Variants in BFSP1 observed in about 807,000 individuals in gnomAD.
The protein encoded by BFSP1 is filensin.
BFSP1 carries 38 observed loss-of-function variants against 43.9 expected under a neutral mutation model. The ratio of observed to expected loss-of-function variants is 0.87; its 90% CI spans 0.67 to 1.14. BFSP1 has a LOEUF of 1.14. Ranked by LOEUF, BFSP1 falls within the 50% of genes most tolerant of loss-of-function variation. The probability of loss-of-function intolerance (pLI) is 0.00; values close to 1 mark genes in which losing one functional copy is unlikely to be tolerated. For missense variants in BFSP1, 850 were observed against 875.1 expected, an observed-to-expected ratio of 0.97 and a Z score of 0.36; for synonymous variants, 352 against 354.8, an observed-to-expected ratio of 0.99 and a Z score of 0.09.
intron 1 of BFSP1, among the ~76,000 whole-genome samples, chr20:17,545,130 T>C (rs1298426690): frequency 6.6e-6 from 1 of 152,196 alleles, no homozygotes; most frequent in Non-Finnish European, 1.5e-5. Context: ...ATGGAGCTTA[T>C]GCCCAGGCAA....
intron 1 of BFSP1, among the ~76,000 whole-genome samples, chr20:17,557,983 A>C (rs1440467306): frequency 6.6e-6 from 1 of 152,180 alleles, no homozygotes; most frequent in Non-Finnish European, 1.5e-5. Context: ...ACTTTGTTTC[A>C]TAAGAAATAA....
intron 4 of BFSP1, among the ~76,000 whole-genome samples, chr20:17,511,669 A>G (rs1213348006): frequency 6.6e-6 from 1 of 152,246 alleles, no homozygotes; most frequent in African/African-American, 2.4e-5. Flanking sequence ...ACAATGGCAC[A>G]TCGCTTTGGA....
At chr20:17,522,818 A>G (rs2034345066) in intron 2 of BFSP1, among the ~76,000 whole-genome samples, 1 of 152,176 alleles carries the variant, frequency 6.6e-6, no homozygotes, top group African/African-American at 2.4e-5. Context: ...TTGTGATTCC[A>G]TTTCACAGAT....
intron 1 of BFSP1, among the ~76,000 whole-genome samples, chr20:17,539,493 G>A (rs142699420): frequency 1.1e-4 from 17 of 152,054 alleles, no homozygotes; most frequent in Non-Finnish European, 2.5e-4. Context: ...TCTGGCTCTC[G>A]CCCAGCACTT....
chr20:17,515,097 A>G (rs893326849), intron 2 of BFSP1, among the ~76,000 whole-genome samples: 9 of 152,198 alleles, frequency 5.9e-5, no homozygotes, highest in Non-Finnish European at 1.0e-4. Flanking sequence ...CTTTAGTGGT[A>G]GGGTCCTTCT....
chr20:17,501,170 C>T (rs779135887), intron 5 of BFSP1, among the ~76,000 whole-genome samples: 22 of 152,206 alleles, frequency 1.4e-4, no homozygotes, highest in South Asian at 4.1e-4. Context: ...CTACTGGACA[C>T]CCTGGAAGAT....
rs1671344170 is a variant in BFSP1 at position 17,493,906 on chromosome 20, G to T, written c.*168C>A. 2 of 652,762 alleles carry T rather than the reference G, an allele frequency of 3.1e-6. No individual in the cohort carries two copies. Among genetic ancestry groups the T allele is most frequent in the Non-Finnish European group, 2.6e-6 (1 of 390,860 alleles). 40.4% of individuals were successfully genotyped at this position (652,762 alleles called of 1,614,324 possible). A position where few individuals can be genotyped will look rare whatever the true frequency, so the allele number is the denominator to read the frequency against. On this transcript the variant is annotated 3_prime_UTR_variant, in exon 8 of 8. Coordinates refer to ENST00000377873, the MANE Select transcript of BFSP1 (RefSeq NM_001195.5). ...TCCCTATTAATTAGACAAAGGATGT[G>T]CAAGCAAAGAAAACATTTTAATGAA...
chr20:17,548,180 C>CAAAAAAAAAAAAAAAAAAAAAAAAAAAA (rs11470598), intron 1 of BFSP1, among the ~76,000 whole-genome samples: 2 of 119,856 alleles, frequency 1.7e-5, no homozygotes, highest in African/African-American at 3.1e-5. Flanking sequence ...GAAAATAATG[C>CAAAAAAAAAAAAAAAAAAAAAAAAAAAA]AAAAAAAAAA....
At chr20:17,554,062 C>T (rs1458397770) in intron 1 of BFSP1, among the ~76,000 whole-genome samples, 1 of 151,174 alleles carries the variant, frequency 6.6e-6, no homozygotes, top group South Asian at 2.1e-4. Context: ...ACATAAAATG[C>T]ATGATTTTCT....
chr20:17,548,611 C>A (rs1233100688), intron 1 of BFSP1, among the ~76,000 whole-genome samples: 2 of 152,168 alleles, frequency 1.3e-5, no homozygotes, highest in African/African-American at 4.8e-5. Flanking sequence ...ACTGCATAGA[C>A]CGAGTATGAT....
chr20:17,506,616 C>T (rs2033944801), intron 5 of BFSP1, among the ~76,000 whole-genome samples: 1 of 151,476 alleles, frequency 6.6e-6, no homozygotes, highest in African/African-American at 2.4e-5. Context: ...CTCAACCTCT[C>T]CAGGCTCAGG....
At chr20:17,504,477 A>G (rs2033882627) in intron 5 of BFSP1, among the ~76,000 whole-genome samples, 1 of 151,936 alleles carries the variant, frequency 6.6e-6, no homozygotes, top group Non-Finnish European at 1.5e-5. Flanking sequence ...TGAGACACGG[A>G]CCCTCCTCTA....
At chr20:17,537,568 C>CAAAAAAAAAAAAA (rs901895418) in intron 1 of BFSP1, among the ~76,000 whole-genome samples, 2 of 63,826 alleles carry the variant, frequency 3.1e-5, no homozygotes, top group Non-Finnish European at 3.2e-5. Flanking sequence ...ACTGAAGCAC[C>CAAAAAAAAAAAAA]AAAAAAAAAA....
intron 5 of BFSP1, among the ~76,000 whole-genome samples, chr20:17,502,164 C>G (rs1393045145): frequency 6.7e-6 from 1 of 148,638 alleles, no homozygotes; most frequent in Non-Finnish European, 1.5e-5. Flanking sequence ...CCTTTTATAC[C>G]CTGCTCCTTT....
At chr20:17,522,556 A>T (rs963405723) in intron 2 of BFSP1, among the ~76,000 whole-genome samples, 1 of 152,266 alleles carries the variant, frequency 6.6e-6, no homozygotes, top group African/African-American at 2.4e-5. Flanking sequence ...GCTGTAAATA[A>T]CAGGTAATCA....
At chr20:17,529,090 T>TGTGTGTGTGTGTGTGTGTGTGAGA (rs577672397) in intron 1 of BFSP1, among the ~76,000 whole-genome samples, 12 of 151,614 alleles carry the variant, frequency 7.9e-5, no homozygotes, top group African/African-American at 2.9e-4. Flanking sequence ...TGTGTGTGTG[T>TGTGTGTGTGTGTGTGTGTGTGAGA]GAGACAGAGT....
At chr20:17,523,417 C>G (rs553314622) in intron 2 of BFSP1, among the ~76,000 whole-genome samples, 1 of 151,826 alleles carries the variant, frequency 6.6e-6, no homozygotes, top group African/African-American at 2.4e-5. Context: ...GCTGGGTCCC[C>G]GTGTCTGAAG....
At chr20:17,531,512 C>G (rs569842630), upstream of BFSP1, 7 of 918,026 alleles carry the variant, frequency 7.6e-6, no homozygotes, top group South Asian at 2.4e-4. Flanking sequence ...AGCAGCGGCC[C>G]GCTTTGTGCG....
intron 1 of BFSP1, among the ~76,000 whole-genome samples, chr20:17,567,013 C>T (rs1031691368): frequency 2.0e-5 from 3 of 152,134 alleles, no homozygotes; most frequent in Non-Finnish European, 4.4e-5. Flanking sequence ...ATGGCCTAAT[C>T]GCTGTCCAAA....
Sources: gnomAD v4.1 joint callset for allele counts (sites outside exome capture counted in the v4.1 genomes callset) on GRCh38, gnomAD v4.1.1 for gene constraint, MANE v1.5 for transcripts, NCBI Gene and HGNC (gene_info 2026-07-23, HGNC 2026-07-21) for gene names.